The following LYPD6 variants were observed in gnomAD, a reference collection of about 807,000 sequenced individuals.
The protein encoded by LYPD6 is LY6/PLAUR domain containing 6.
LYPD6 carries 15 observed loss-of-function variants against 22.7 expected under a neutral mutation model. The observed-to-expected ratio is 0.66, with a 90% CI of 0.44 to 1.02. LYPD6 has a LOEUF of 1.02. Among genes scored for constraint, LYPD6 ranks in the 50% least tolerant of loss-of-function variants. LYPD6 has a pLI of 0.00. For synonymous variants in LYPD6, 72 were observed against 77.5 expected (o/e 0.93, Z 0.37); for missense variants, 189 against 208.4 (o/e 0.91, Z 0.57).
At chr2:149,480,841 G>A in the LYPD6 span, among the ~76,000 whole-genome samples, 1 of 152,238 alleles carries the variant, frequency 6.6e-6, no homozygotes. Context: ...GCCCCTACAT[G>A]CAGTCATGGA....
chr2:149,340,230 CA>C (rs1424156532), intron 1 of LYPD6, among the ~76,000 whole-genome samples: 6 of 152,070 alleles, frequency 3.9e-5, no homozygotes, highest in African/African-American at 1.4e-4. Flanking sequence ...ATTTTAAGCA[CA>C]ATTTTTAGTG....
At chr2:149,442,052 T>C (rs1028470322) in intron 2 of LYPD6, among the ~76,000 whole-genome samples, 2 of 152,238 alleles carry the variant, frequency 1.3e-5, no homozygotes, top group African/African-American at 4.8e-5. Context: ...AATGTATTTA[T>C]TTCTGTCAGA....
chr2:149,468,132 AACAC>A (rs58309346), intron 3 of LYPD6, among the ~76,000 whole-genome samples: 9,473 of 114,526 alleles, frequency 0.083, 356 homozygotes, highest in East Asian at 0.14. Flanking sequence ...GCTTCCCCCC[AACAC>A]ACACACACAC....
At chr2:149,464,974 A>T (rs1681169113) in intron 3 of LYPD6, among the ~76,000 whole-genome samples, 1 of 152,146 alleles carries the variant, frequency 6.6e-6, no homozygotes, top group Admixed American at 6.6e-5. Flanking sequence ...TTGGGTTGAG[A>T]CACATTAGGT....
intron 3 of LYPD6, among the ~76,000 whole-genome samples, chr2:149,452,110 G>A (rs75218766): frequency 2.6e-4 from 39 of 152,332 alleles, no homozygotes; most frequent in African/African-American, 9.1e-4. Context: ...CTCACTCAGA[G>A]CAAAGGCATA....
In LYPD6 at chr2:149,345,306, A is replaced by ATTTTTT. The variant is rs3073147; in HGVS notation, c.-72+14597_-72+14602dup. ...TGTCTATGGTCCACCCTTAATTTAA[A>ATTTTTT]TTTTTTTTTTTTTTTTTTGAGACGG... On this transcript the variant is annotated intron_variant, in intron 1 of 4. Coordinates refer to ENST00000334166, the MANE Select transcript of LYPD6 (RefSeq NM_194317.5). Among the ~76,000 whole-genome samples the ATTTTTT allele has an allele frequency of 3.9e-5, 5 of 127,322 alleles. 1 individual carries two copies. The highest frequency in any genetic ancestry group is 1.6e-4 in the African/African-American group (5 of 32,170). 83.5% of individuals were successfully genotyped at this position (127,322 alleles called of 152,430 possible). A position where few individuals can be genotyped will look rare whatever the true frequency, so the allele number is the denominator to read the frequency against.
At chr2:149,462,732 A>T (rs1416923036) in intron 3 of LYPD6, among the ~76,000 whole-genome samples, 2 of 152,044 alleles carry the variant, frequency 1.3e-5, no homozygotes, top group African/African-American at 2.4e-5. Context: ...AATTAAACAG[A>T]ATAAATAGAC....
At chr2:149,478,155 T>C (rs1190445657), downstream of LYPD6, among the ~76,000 whole-genome samples, 2 of 152,290 alleles carry the variant, frequency 1.3e-5, no homozygotes, top group East Asian at 3.9e-4. Flanking sequence ...CTTGATTAGC[T>C]GGGCTCATAA....
At chr2:149,339,678 T>A (rs2105047622) in intron 1 of LYPD6, among the ~76,000 whole-genome samples, 1 of 152,290 alleles carries the variant, frequency 6.6e-6, no homozygotes, top group African/African-American at 2.4e-5. Flanking sequence ...TCTGTTGATA[T>A]CTGAAAACAA....
intron 1 of LYPD6, among the ~76,000 whole-genome samples, chr2:149,363,931 G>A (rs1023746285): frequency 2.0e-5 from 3 of 152,058 alleles, no homozygotes; most frequent in African/African-American, 7.2e-5. Context: ...ATTTTGGGTT[G>A]TTGACACTAA....
chr2:149,436,682 C>T (rs141426473), intron 1 of LYPD6, among the ~76,000 whole-genome samples: 168 of 152,200 alleles, frequency 1.1e-3, no homozygotes, highest in African/African-American at 3.8e-3. Flanking sequence ...CAGGTTTAAG[C>T]GATTCTCCTG....
intron 3 of LYPD6, among the ~76,000 whole-genome samples, chr2:149,450,684 C>A (rs1176171371): frequency 6.6e-6 from 1 of 152,238 alleles, no homozygotes; most frequent in African/African-American, 2.4e-5. Flanking sequence ...AACATTACCA[C>A]TGTGGAATGA....
At chr2:149,416,438 C>T (rs1307485593) in intron 1 of LYPD6, among the ~76,000 whole-genome samples, 1 of 152,188 alleles carries the variant, frequency 6.6e-6, no homozygotes, top group Non-Finnish European at 1.5e-5. Flanking sequence ...ATATGTATTC[C>T]TCTCTGCCTT....
In LYPD6 at chr2:149,338,361, G is replaced by T. The variant is rs186950826; in HGVS notation, c.-72+7639G>T. Reference sequence around the variant, plus strand: ...TCTTGATAAGCTAGAATCTTTTAAAGAGTGGTTTATACCACAAACTATTAA... The same window carrying T: ...TCTTGATAAGCTAGAATCTTTTAAATAGTGGTTTATACCACAAACTATTAA... On this transcript the variant is annotated intron_variant, in intron 1 of 4. Coordinates refer to ENST00000334166, the MANE Select transcript of LYPD6 (RefSeq NM_194317.5). 1.4e-4 allele frequency among the ~76,000 whole-genome samples: 21 copies of T among 152,256 alleles called. No homozygotes were observed. In the East Asian group the frequency reaches 4.0e-3, roughly 29 times the overall value.
intron 1 of LYPD6, among the ~76,000 whole-genome samples, chr2:149,344,001 A>G (rs767332731): frequency 6.6e-6 from 1 of 152,236 alleles, no homozygotes; most frequent in Non-Finnish European, 1.5e-5. Flanking sequence ...GGTGTGATAT[A>G]TAATATTCAG....
chr2:149,441,366 T>C (rs975612730), intron 2 of LYPD6, among the ~76,000 whole-genome samples: 2 of 152,156 alleles, frequency 1.3e-5, no homozygotes, highest in African/African-American at 4.8e-5. Flanking sequence ...GCTGGAGATA[T>C]GAGAAGACAC....
intron 1 of LYPD6, among the ~76,000 whole-genome samples, chr2:149,397,028 C>T (rs960641538): frequency 6.6e-6 from 1 of 152,144 alleles, no homozygotes; most frequent in Non-Finnish European, 1.5e-5. Context: ...AATGTAAATG[C>T]TATGCAAACA....
At chr2:149,379,177 A>G (rs1352623868) in intron 1 of LYPD6, among the ~76,000 whole-genome samples, 1 of 152,144 alleles carries the variant, frequency 6.6e-6, no homozygotes, top group Non-Finnish European at 1.5e-5. Context: ...TAGAGGCTAG[A>G]AAAAAACAGC....
intron 1 of LYPD6, among the ~76,000 whole-genome samples, chr2:149,381,973 G>A (rs1370105901): frequency 6.6e-6 from 1 of 151,938 alleles, no homozygotes; most frequent in Non-Finnish European, 1.5e-5. Context: ...GTGTTTTATT[G>A]CTCTGAATAG....
Sources: allele counts gnomAD v4.1 joint callset (sites outside exome capture counted in the v4.1 genomes callset), GRCh38; gene constraint gnomAD v4.1.1; transcripts MANE v1.5; gene names NCBI Gene and HGNC (gene_info 2026-07-23, HGNC 2026-07-21).